Variants in MID1 observed in about 807,000 individuals in gnomAD.
MID1 encodes the protein E3 ubiquitin-protein ligase Midline-1.
A neutral mutation model predicts 40.4 loss-of-function variants in MID1; 7 were observed. That is an observed-to-expected ratio of 0.17 (90% CI 0.10 to 0.33). The LOEUF (loss-of-function observed/expected upper bound fraction) is 0.33. Ranked by LOEUF, MID1 falls within the 10% of genes least tolerant of loss-of-function variation. The pLI is 1.00. For missense variants in MID1, 367 were observed against 558.5 expected (o/e 0.66, Z 3.46); for synonymous variants, 229 against 221.2 (o/e 1.04, Z -0.31).
At chrX:10,459,929 G>T in intron 7 of MID1, 122 bp from the exon 8 acceptor site, 1 of 791,316 alleles carries the variant, frequency 1.3e-6, no homozygotes, top group East Asian at 3.2e-5. Context: ...CTTTGTCTTG[G>T]TAGTCATGTA....
intron 1 of MID1, among the ~76,000 whole-genome samples, chrX:10,722,914 G>A (rs528604053): frequency 4.7e-4 from 52 of 111,397 alleles, no homozygotes; most frequent in African/African-American, 1.4e-3. Flanking sequence ...AGAATTTAAA[G>A]AACCTCTTTG....
intron 4 of MID1, among the ~76,000 whole-genome samples, chrX:10,484,405 T>C (rs189574234): frequency 8.9e-6 from 1 of 112,314 alleles, no homozygotes; most frequent in African/African-American, 3.2e-5. Context: ...ACATTTCAAA[T>C]GCGATGATGC....
chrX:10,493,223 A>C (rs1365994469), intron 4 of MID1, among the ~76,000 whole-genome samples: 1 of 112,250 alleles, frequency 8.9e-6, no homozygotes, highest in Non-Finnish European at 1.9e-5. Context: ...AGAGAAAGGC[A>C]GGAAGGCCTG....
intron 7 of MID1, among the ~76,000 whole-genome samples, chrX:10,465,160 G>C (rs1929267880): frequency 1.1e-5 from 1 of 93,376 alleles, no homozygotes; most frequent in African/African-American, 4.0e-5. Flanking sequence ...CTCCAGCCTG[G>C]GCAGCAGAGC....
chrX:10,809,842 C>T (rs1408605758), intron 1 of MID1, among the ~76,000 whole-genome samples: 1 of 109,785 alleles, frequency 9.1e-6, no homozygotes, highest in Non-Finnish European at 1.9e-5. Flanking sequence ...GTGCAGCACA[C>T]CAACATGGCA....
At chrX:10,803,707 T>C (rs1239354126) in intron 1 of MID1, among the ~76,000 whole-genome samples, 1 of 112,007 alleles carries the variant, frequency 8.9e-6, no homozygotes, top group Non-Finnish European at 1.9e-5. Flanking sequence ...GTAGTTTGAA[T>C]ATGATATGGC....
chrX:10,699,849 C>T (rs2147081733), intron 1 of MID1, among the ~76,000 whole-genome samples: 1 of 106,702 alleles, frequency 9.4e-6, no homozygotes, highest in Admixed American at 1.0e-4. Context: ...TGAGATGGAG[C>T]TTCACTCTTG....
intron 1 of MID1, among the ~76,000 whole-genome samples, chrX:10,578,744 C>G (rs1198853507): frequency 9.0e-6 from 1 of 111,656 alleles, no homozygotes; most frequent in Non-Finnish European, 1.9e-5. Context: ...ATGGCCACAC[C>G]TAGTCTCCTG....
intron 2 of MID1, among the ~76,000 whole-genome samples, chrX:10,544,316 T>C (rs73477286): frequency 0.023 from 2,565 of 111,089 alleles, 86 homozygotes; most frequent in African/African-American, 0.079. Flanking sequence ...AGTTGGGATT[T>C]CCCAGGTTAC....
At chrX:10,459,941 G>A (rs1411256000) in intron 7 of MID1, 134 bp from the exon 8 acceptor site, 28 of 703,524 alleles carry the variant, frequency 4.0e-5, no homozygotes, top group Non-Finnish European at 5.7e-5. Context: ...AGTCATGTAC[G>A]AAAAACTGAC....
rs1232218289 is a variant in MID1 at position 10,719,135 on chromosome X, A to C, written c.-186-98716T>G. ...GGAAGCATTCCCTCTGAAAACTGGCACAAGACAGGGATGCCCTCTCTCACC... is the reference window on the plus strand; with the variant it reads ...GGAAGCATTCCCTCTGAAAACTGGCCCAAGACAGGGATGCCCTCTCTCACC... On this transcript the variant is annotated intron_variant, in intron 1 of 10. Coordinates refer to the MID1 transcript ENST00000380785. Among the ~76,000 whole-genome samples the C allele has an allele frequency of 5.4e-4, 60 of 111,552 alleles. No individual in the cohort carries two copies. The Admixed American group carries it at 5.5e-3, about 10-fold the overall frequency.
chrX:10,499,064 TA>T (rs1396378367), intron 3 of MID1, among the ~76,000 whole-genome samples: 1 of 112,389 alleles, frequency 8.9e-6, no homozygotes, highest in East Asian at 2.8e-4. Flanking sequence ...CCATCAGAAA[TA>T]CATGAGGGTT....
At chrX:10,525,633 G>A (rs188693038) in intron 2 of MID1, among the ~76,000 whole-genome samples, 1 of 112,403 alleles carries the variant, frequency 8.9e-6, no homozygotes, top group Admixed American at 9.4e-5. Context: ...AGCATATTCT[G>A]AGGTTAGGGC....
intron 1 of MID1, among the ~76,000 whole-genome samples, chrX:10,825,489 C>T (rs891157944): frequency 2.7e-5 from 3 of 112,254 alleles, no homozygotes; most frequent in Non-Finnish European, 5.6e-5. Flanking sequence ...GCAAAACCTT[C>T]ACCCAAACCC....
intron 1 of MID1, chrX:10,677,509 T>C (rs1022956256): frequency 8.9e-6 from 1 of 112,370 alleles, no homozygotes; most frequent in African/African-American, 3.2e-5. Flanking sequence ...TAAACCACAG[T>C]GGAGACAAGC....
chrX:10,457,974 G>A (rs1265373917), intron 8 of MID1, among the ~76,000 whole-genome samples: 2 of 112,519 alleles, frequency 1.8e-5, no homozygotes. Flanking sequence ...ACCTCTCATG[G>A]TTATTCCAGT....
chrX:10,787,067 G>C (rs989799705), intron 1 of MID1, among the ~76,000 whole-genome samples: 1 of 111,503 alleles, frequency 9.0e-6, no homozygotes, highest in Non-Finnish European at 1.9e-5. Flanking sequence ...AAGACAGTAG[G>C]AAAAGATACA....
intron 1 of MID1, among the ~76,000 whole-genome samples, chrX:10,698,590 C>T (rs902759305): frequency 9.1e-6 from 1 of 110,233 alleles, no homozygotes; most frequent in African/African-American, 3.3e-5. Context: ...ATCCTCAGTG[C>T]TCCCACTTCT....
At chrX:10,796,482 C>T (rs747889602) in intron 1 of MID1, among the ~76,000 whole-genome samples, 1 of 104,110 alleles carries the variant, frequency 9.6e-6, no homozygotes, top group Non-Finnish European at 2.0e-5. Flanking sequence ...TTGTGTAGGC[C>T]CCGCATTTTT....
Sources: gnomAD v4.1 joint callset for allele counts (sites outside exome capture counted in the v4.1 genomes callset) on GRCh38, gnomAD v4.1.1 for gene constraint, MANE v1.5 for transcripts, NCBI Gene and HGNC (gene_info 2026-07-23, HGNC 2026-07-21) for gene names.